The following RASSF3 variants were observed in gnomAD, a reference collection of about 807,000 sequenced individuals.
RASSF3 encodes the protein ras association domain-containing protein 3.
In RASSF3, 19 loss-of-function variants were observed where a neutral mutation model predicts 19.9. The observed-to-expected ratio is 0.96, with a 90% CI of 0.67 to 1.40. RASSF3 has a LOEUF of 1.40. Among genes scored for constraint, RASSF3 ranks in the 40% most tolerant of loss-of-function variants. RASSF3 has a pLI of 0.00. For synonymous variants in RASSF3, 110 were observed against 104.2 expected (o/e 1.06, Z -0.34); for missense variants, 306 against 289.8 (o/e 1.06, Z -0.41).
intron 1 of RASSF3, among the ~76,000 whole-genome samples, chr12:64,655,472 T>A (rs1716518): frequency 0.8 from 120,660 of 151,442 alleles, 48,493 homozygotes; most frequent in African/African-American, 0.88. Flanking sequence ...ACATATATAT[T>A]TTTTTTTCCT....
intron 1 of RASSF3, among the ~76,000 whole-genome samples, chr12:64,513,772 C>A (rs1868342983): frequency 6.6e-6 from 1 of 152,196 alleles, no homozygotes. Context: ...GTAGACCATG[C>A]AACCATGGAG....
At chr12:64,657,538 G>C (rs182600018) in intron 1 of RASSF3, among the ~76,000 whole-genome samples, 51 of 152,324 alleles carry the variant, frequency 3.3e-4, no homozygotes, top group Admixed American at 4.6e-4. Context: ...TGTCTACCAG[G>C]CCAGGCACCC....
intron 1 of RASSF3, among the ~76,000 whole-genome samples, chr12:64,665,337 T>G (rs184898674): frequency 1.3e-5 from 2 of 152,346 alleles, no homozygotes; most frequent in East Asian, 1.9e-4. Flanking sequence ...AATGATTGAC[T>G]TGGCACCAGT....
intron 2 of RASSF3, among the ~76,000 whole-genome samples, chr12:64,602,725 A>G (rs1365088275): frequency 6.6e-6 from 1 of 152,176 alleles, no homozygotes; most frequent in African/African-American, 2.4e-5. Flanking sequence ...ATCTCTAAAA[A>G]TGAAAAAAAG....
At chr12:64,648,741 A>G (rs1280212907) in intron 1 of RASSF3, among the ~76,000 whole-genome samples, 1 of 150,756 alleles carries the variant, frequency 6.6e-6, no homozygotes, top group East Asian at 1.9e-4. Flanking sequence ...TCGACCTCCC[A>G]AAGTGCTGGG....
At chr12:64,542,895 G>A (rs572196309), downstream of RASSF3, among the ~76,000 whole-genome samples, 69 of 152,288 alleles carry the variant, frequency 4.5e-4, no homozygotes, top group African/African-American at 1.6e-3. Flanking sequence ...GGCCGAGGCC[G>A]GAGGCGGCTC....
intron 2 of RASSF3, among the ~76,000 whole-genome samples, chr12:64,562,506 G>A (rs1266251872): frequency 6.6e-6 from 1 of 152,104 alleles, no homozygotes; most frequent in African/African-American, 2.4e-5. Context: ...TTCCGAAACT[G>A]CTCTTCCATG....
At chr12:64,559,095 C>A (rs1241252247) in intron 2 of RASSF3, among the ~76,000 whole-genome samples, 1 of 152,148 alleles carries the variant, frequency 6.6e-6, no homozygotes, top group Non-Finnish European at 1.5e-5. Context: ...ATGAGTCCAG[C>A]TCTGCTACTG....
intron 2 of RASSF3, among the ~76,000 whole-genome samples, chr12:64,562,950 C>T (rs555047696): frequency 2.7e-4 from 41 of 151,802 alleles, no homozygotes; most frequent in African/African-American, 9.9e-4. Context: ...TTTTCTTACA[C>T]CCCAAATCCA....
At chr12:64,508,537 G>A (rs1868305688) in intron 1 of RASSF3, among the ~76,000 whole-genome samples, 1 of 148,592 alleles carries the variant, frequency 6.7e-6, no homozygotes, top group South Asian at 2.1e-4. Context: ...ACAAAAAACA[G>A]AAGTGACTAT....
intron 4 of RASSF3, among the ~76,000 whole-genome samples, chr12:64,691,921 T>G (rs1298536781): frequency 6.6e-6 from 1 of 152,190 alleles, no homozygotes; most frequent in Non-Finnish European, 1.5e-5. Context: ...CCAGCTGAAC[T>G]TTGAAAGTTG....
At chr12:64,675,858 T>A (rs901907008) in intron 1 of RASSF3, among the ~76,000 whole-genome samples, 3 of 151,414 alleles carry the variant, frequency 2.0e-5, no homozygotes, top group Non-Finnish European at 4.4e-5. Context: ...TCAGGCAAAA[T>A]GAACTCCTGA....
At chr12:64,511,588 A>T (rs150285863) in intron 1 of RASSF3, among the ~76,000 whole-genome samples, 67 of 152,314 alleles carry the variant, frequency 4.4e-4, no homozygotes, top group Middle Eastern at 3.4e-3. Flanking sequence ...TTTTCTGTGT[A>T]ACCTGCTCCA....
intron 3 of RASSF3, among the ~76,000 whole-genome samples, chr12:64,690,596 C>T (rs905738432): frequency 6.6e-6 from 1 of 152,040 alleles, no homozygotes; most frequent in African/African-American, 2.4e-5. Flanking sequence ...TTGCCTCAGC[C>T]TCCTAAGTAG....
upstream of RASSF3, among the ~76,000 whole-genome samples, chr12:64,529,809 C>CA (rs1868666641): frequency 6.6e-6 from 1 of 152,110 alleles, no homozygotes. Context: ...TGGAAAAATA[C>CA]AGAGAAACTT....
intron 2 of RASSF3, among the ~76,000 whole-genome samples, chr12:64,552,681 C>T (rs187899062): frequency 6.6e-6 from 1 of 152,300 alleles, no homozygotes; most frequent in East Asian, 1.9e-4. Context: ...CCAGCTCCAT[C>T]CATGTCCCTG....
chr12:64,552,993 G>A (rs892282984), intron 2 of RASSF3, among the ~76,000 whole-genome samples: 3 of 151,988 alleles, frequency 2.0e-5, no homozygotes, highest in Non-Finnish European at 4.4e-5. Flanking sequence ...GGTGGATCAC[G>A]AGGTCAGGAG....
At chr12:64,665,149 G>A (rs1272986201) in intron 1 of RASSF3, among the ~76,000 whole-genome samples, 2 of 152,178 alleles carry the variant, frequency 1.3e-5, no homozygotes, top group African/African-American at 4.8e-5. Context: ...GAAGGTTCTA[G>A]GAGTTGCATG....
At chr12:64,552,777 T>C (rs1000794828) in intron 2 of RASSF3, among the ~76,000 whole-genome samples, 2 of 152,202 alleles carry the variant, frequency 1.3e-5, no homozygotes, top group East Asian at 3.8e-4. Flanking sequence ...AGTCTATCAT[T>C]GGTGGGCATT....
Sources: allele counts gnomAD v4.1 joint callset (sites outside exome capture counted in the v4.1 genomes callset), GRCh38; gene constraint gnomAD v4.1.1; transcripts MANE v1.5; gene names NCBI Gene and HGNC (gene_info 2026-07-23, HGNC 2026-07-21).